ZNF713: variants seen among roughly 807,000 people sequenced by gnomAD.
ZNF713 encodes the protein zinc finger protein 713.
A neutral mutation model predicts 28.7 loss-of-function variants in ZNF713; 21 were observed. That is an observed-to-expected ratio of 0.73 (90% CI 0.52 to 1.05). The LOEUF (loss-of-function observed/expected upper bound fraction) is 1.05, where lower values mean the gene tolerates loss of function less well. Ranked by LOEUF, ZNF713 falls within the 50% of genes least tolerant of loss-of-function variation. The pLI is 0.00. For synonymous variants in ZNF713, 167 were observed against 178.0 expected, an observed-to-expected ratio of 0.94 and a Z score of 0.49; for missense variants, 458 against 532.4, an observed-to-expected ratio of 0.86 and a Z score of 1.37.
chr7:55,899,508 T>G (rs1454890080), intron 1 of ZNF713, among the ~76,000 whole-genome samples: 1 of 142,796 alleles, frequency 7.0e-6, no homozygotes, highest in African/African-American at 2.7e-5. Flanking sequence ...CCATCTCTAC[T>G]AAAAATACAA....
intron 1 of ZNF713, among the ~76,000 whole-genome samples, chr7:55,899,733 T>C (rs1785539373): frequency 6.6e-6 from 1 of 152,034 alleles, no homozygotes; most frequent in South Asian, 2.1e-4. Flanking sequence ...CTTCTGAGTA[T>C]ATATTCTTTT....
chr7:55,890,419 C>A (rs1301572428), intron 1 of ZNF713, among the ~76,000 whole-genome samples: 2 of 147,786 alleles, frequency 1.4e-5, no homozygotes, highest in African/African-American at 2.5e-5. Context: ...CATTGCACTC[C>A]AGTCTGGGCA....
At chr7:55,938,815 C>G in intron 6 of ZNF713, among the ~76,000 whole-genome samples, 167 bp from the exon 7 acceptor site, 1 of 152,194 alleles carries the variant, frequency 6.6e-6, no homozygotes, top group Non-Finnish European at 1.5e-5. Flanking sequence ...TTCTCATAAT[C>G]TTTCCCTTTG....
At chr7:55,938,892 T>G (rs1786407322) in intron 6 of ZNF713, 90 bp from the exon 7 acceptor site, 1 of 1,348,628 alleles carries the variant, frequency 7.4e-7, no homozygotes, top group African/African-American at 1.5e-5. Context: ...TCAGTTTTAT[T>G]TGGTAATTCG....
intron 4 of ZNF713, among the ~76,000 whole-genome samples, chr7:55,919,850 T>C (rs2116231747): frequency 6.6e-6 from 1 of 151,984 alleles, no homozygotes; most frequent in African/African-American, 2.4e-5. Flanking sequence ...TCTCTCCTAC[T>C]CTCTACCTCA....
intron 1 of ZNF713, among the ~76,000 whole-genome samples, chr7:55,891,923 T>G (rs550339650): frequency 6.6e-6 from 1 of 152,074 alleles, no homozygotes; most frequent in East Asian, 1.9e-4. Flanking sequence ...AAAAAGTAAA[T>G]CTCAACTAAG....
intron 1 of ZNF713, among the ~76,000 whole-genome samples, chr7:55,892,556 A>AC (rs1785402864): frequency 6.5e-5 from 1 of 15,404 alleles, no homozygotes; most frequent in South Asian, 1.7e-3. Context: ...AGCACTGACC[A>AC]AAAAAAAAAA....
chr7:55,925,546 G>A (rs1786081440), intron 6 of ZNF713, among the ~76,000 whole-genome samples: 1 of 152,098 alleles, frequency 6.6e-6, no homozygotes. Context: ...GCTTGAACCT[G>A]GGAGGCAGAG....
chr7:55,905,806 T>G (rs1785667250), intron 1 of ZNF713, among the ~76,000 whole-genome samples: 1 of 151,920 alleles, frequency 6.6e-6, no homozygotes, highest in African/African-American at 2.4e-5. Flanking sequence ...TTATTTTCCT[T>G]TAAAAATCCA....
intron 4 of ZNF713, among the ~76,000 whole-genome samples, chr7:55,916,808 T>A (rs1035208619): frequency 1.1e-4 from 17 of 152,132 alleles, no homozygotes; most frequent in African/African-American, 3.9e-4. Context: ...TATTTAAATA[T>A]GAAAAATGAA....
rs1406754534 is a variant in ZNF713, at chr7:55,923,305, T to C, written c.214+17T>C. On this transcript the variant is annotated intron_variant, in intron 5 of 6. Transcript: ENST00000429591. ...TTGCACTGGGTGAGGATGGCATCCC[T>C]GTGAAACCGGAAGCCGTTCACGTGG... The C allele has an allele frequency of 1.3e-6, 2 of 1,594,978 alleles. No individual in the cohort carries two copies. Among genetic ancestry groups the C allele is most frequent in the Admixed American group, 1.8e-5 (1 of 54,186 alleles).
chr7:55,892,931 G>A (rs529983010), intron 1 of ZNF713, among the ~76,000 whole-genome samples: 1 of 151,190 alleles, frequency 6.6e-6, no homozygotes, highest in African/African-American at 2.4e-5. Flanking sequence ...TACCCAGGCT[G>A]GAGTGCAGTG....
In ZNF713 at chr7:55,937,853, A is replaced by G. The variant is rs1047525013; in HGVS notation, c.308-1129A>G. The stretch of plus-strand genomic sequence containing the variant: ...GCCCAGGAGGTGGCTACAGGGAGCT[A>G]TGATCATGCCACTACACTCCAGCCT... On this transcript the variant is annotated intron_variant, in intron 6 of 6. Coordinates refer to ENST00000429591, the MANE Select transcript of ZNF713 (RefSeq NM_182633.3). Among the ~76,000 whole-genome samples the G allele has an allele frequency of 2.0e-5, 3 of 152,062 alleles. No individual in the cohort carries two copies. The South Asian group carries it at 6.2e-4, about 32-fold the overall frequency.
chr7:55,888,953 G>A (rs2116150454), intron 1 of ZNF713, among the ~76,000 whole-genome samples: 1 of 152,148 alleles, frequency 6.6e-6, no homozygotes, highest in South Asian at 2.1e-4. Context: ...TCAGGAGGCT[G>A]AGGTGGGAAG....
chr7:55,906,540 T>C (rs1785682817), intron 2 of ZNF713, among the ~76,000 whole-genome samples, 161 bp downstream of exon 2: 2 of 152,192 alleles, frequency 1.3e-5, no homozygotes, highest in Admixed American at 1.3e-4. Flanking sequence ...CTGCCTTTTT[T>C]TTTCTGCCTC....
chr7:55,907,919 A>G (rs56737495), intron 2 of ZNF713, among the ~76,000 whole-genome samples: 1,922 of 152,270 alleles, frequency 0.013, 47 homozygotes, highest in African/African-American at 0.044. Flanking sequence ...TGTGATAAAC[A>G]TACAAGTGCA....
At chr7:55,931,648 C>T (rs1389592992) in intron 6 of ZNF713, among the ~76,000 whole-genome samples, 6 of 151,102 alleles carry the variant, frequency 4.0e-5, no homozygotes, top group Non-Finnish European at 2.9e-5. Context: ...CTTTCCCTCT[C>T]TCCCTTCTTT....
intron 6 of ZNF713, among the ~76,000 whole-genome samples, chr7:55,932,890 C>CAAAAAAAAAAAAAAA (rs61092452): frequency 4.4e-4 from 21 of 47,768 alleles, no homozygotes; most frequent in South Asian, 1.4e-3. Context: ...GACTCCGTCT[C>CAAAAAAAAAAAAAAA]AAAAAAAAAA....
At chr7:55,902,455 C>G (rs1363999688) in intron 1 of ZNF713, among the ~76,000 whole-genome samples, 1 of 152,174 alleles carries the variant, frequency 6.6e-6, no homozygotes, top group Non-Finnish European at 1.5e-5. Flanking sequence ...CATCACCTTG[C>G]TATTTGATAC....
Sources: allele counts gnomAD v4.1 joint callset (sites outside exome capture counted in the v4.1 genomes callset), GRCh38; gene constraint gnomAD v4.1.1; transcripts MANE v1.5; gene names NCBI Gene and HGNC (gene_info 2026-07-23, HGNC 2026-07-21).